PGM2L1: variants seen among roughly 807,000 people sequenced by gnomAD.
PGM2L1 encodes the protein glucose 1,6-bisphosphate synthase.
In PGM2L1, 35 loss-of-function variants were observed where a neutral mutation model predicts 73.4. That is an observed-to-expected ratio of 0.48 (90% confidence interval 0.36 to 0.63). PGM2L1 has a LOEUF of 0.63. Among genes scored for constraint, PGM2L1 ranks in the 30% least tolerant of loss-of-function variants. The probability of loss-of-function intolerance (pLI) is 0.00; values close to 1 mark genes in which losing one functional copy is unlikely to be tolerated. For synonymous variants in PGM2L1, 225 were observed against 253.8 expected (o/e 0.89, Z 1.08); for missense variants, 570 against 742.0 (o/e 0.77, Z 2.69).
chr11:74,371,165 G>GT (rs1215242428), intron 3 of PGM2L1, among the ~76,000 whole-genome samples, 179 bp from the exon 4 acceptor site: 2 of 151,964 alleles, frequency 1.3e-5, no homozygotes, highest in East Asian at 3.9e-4. Flanking sequence ...AAATAAATAA[G>GT]TTTTTTTAAA....
At chr11:74,356,029 C>T (rs1862448791) in intron 5 of PGM2L1, among the ~76,000 whole-genome samples, 1 of 150,936 alleles carries the variant, frequency 6.6e-6, no homozygotes. Flanking sequence ...ATGTAATAGT[C>T]TGATCATGAT....
chr11:74,354,563 C>A, intron 5 of PGM2L1: 3 of 1,145,104 alleles, frequency 2.6e-6, no homozygotes, highest in South Asian at 1.2e-5. Context: ...GGAATGCTCA[C>A]GAACTGTGTG....
chr11:74,380,633 T>C (rs1862928603), intron 1 of PGM2L1, among the ~76,000 whole-genome samples: 1 of 152,040 alleles, frequency 6.6e-6, no homozygotes, highest in Non-Finnish European at 1.5e-5. Flanking sequence ...GTGTGAAAAA[T>C]TTAAAAAAGT....
At chr11:74,381,549 TTTTG>T (rs556532205) in intron 1 of PGM2L1, among the ~76,000 whole-genome samples, 50 of 151,186 alleles carry the variant, frequency 3.3e-4, no homozygotes, top group African/African-American at 1.2e-3. Context: ...TTGTAGGGTT[TTTTG>T]TTTGTTTGTG....
intron 5 of PGM2L1, among the ~76,000 whole-genome samples, chr11:74,351,855 G>A (rs993061883): frequency 1.3e-5 from 2 of 151,736 alleles, no homozygotes; most frequent in Admixed American, 1.3e-4. Flanking sequence ...CCAGCTACTC[G>A]GGAGGCTGAG....
At chr11:74,345,968 C>T (rs182285477) in intron 8 of PGM2L1, among the ~76,000 whole-genome samples, 213 of 151,822 alleles carry the variant, frequency 1.4e-3, no homozygotes, top group Non-Finnish European at 2.7e-3. Context: ...TACATAGCAG[C>T]CCAGAGGACT....
intron 5 of PGM2L1, 101 bp from the exon 6 acceptor site, chr11:74,351,677 T>C (rs1862356035): frequency 1.8e-6 from 2 of 1,118,512 alleles, no homozygotes; most frequent in African/African-American, 1.6e-5. Context: ...GCATATCAAA[T>C]TGAGGCCAGG....
chr11:74,396,184 A>G (rs995862769), intron 1 of PGM2L1, among the ~76,000 whole-genome samples: 15 of 151,652 alleles, frequency 9.9e-5, no homozygotes, highest in African/African-American at 3.4e-4. Flanking sequence ...ACTTGAGCCC[A>G]GGAGTTCAAG....
rs780130449 is a variant in PGM2L1, at chr11:74,374,568, T to G, written c.126A>C (p.Lys42Asn). The change falls in exon 2 of 14, where the codon AAA (lysine) becomes AAC (asparagine). Residue 42 changes from lysine to asparagine, a missense_variant. Transcript: ENST00000298198. Reference sequence around the variant, plus strand: ...TCCGTAACAGGTTTTCAATCTGCTCTTTTGTTTTGGGATTCTATAAAAAAG... The same window carrying G: ...TCCGTAACAGGTTTTCAATCTGCTCGTTTGTTTTGGGATTCTATAAAAAAG... ...WLRWDKNPKT[K>N]EQIENLLRNG... 2 of 1,613,628 alleles carry G rather than the reference T, an allele frequency of 1.2e-6. No homozygotes were observed. The highest frequency in any genetic ancestry group is 2.2e-5 in the South Asian group (2 of 91,058).
At chr11:74,371,861 C>T (rs746487554) in intron 2 of PGM2L1, 44 bp from the exon 3 acceptor site, 1 of 1,430,668 alleles carries the variant, frequency 7.0e-7, no homozygotes, top group African/African-American at 1.4e-5. Context: ...TGGATGCTTG[C>T]ATTTCATATG....
At chr11:74,393,695 C>T (rs921954954) in intron 1 of PGM2L1, among the ~76,000 whole-genome samples, 19 of 152,118 alleles carry the variant, frequency 1.2e-4, no homozygotes, top group Non-Finnish European at 2.9e-5. Flanking sequence ...CTTAAAATGC[C>T]GTGGCCAATT....
At chr11:74,355,226 C>T in intron 5 of PGM2L1, 3 of 1,400,204 alleles carry the variant, frequency 2.1e-6, no homozygotes, top group Non-Finnish European at 3.0e-6. Flanking sequence ...GTGGAAGCTA[C>T]AATGATTTTG....
chr11:74,342,463 A>C lies in PGM2L1; in HGVS notation c.1630T>G (p.Ser544Ala). The C allele has an allele frequency of 6.9e-7, 1 of 1,451,134 alleles. No individual in the cohort carries two copies. The highest frequency in any genetic ancestry group is 1.6e-5 in the South Asian group (1 of 63,276). The allele number at this position is 1,451,134 out of a possible 1,614,324, so 89.9% of individuals were successfully genotyped here. A position where few individuals can be genotyped will look rare whatever the true frequency, so the allele number is the denominator to read the frequency against. ...TGGAAAAAAAAAAAGGTACTTACTG[A>C]TTTCTTATTAGGCTGGCTACTGTCA... ...GYDSSQPNKKSVLPVSKNSQM... is the reference protein window; with the variant it reads ...GYDSSQPNKKAVLPVSKNSQM... The change falls in exon 12 of 14, where the codon TCA becomes GCA. Residue 544 changes from serine (S) to alanine (A), a missense_variant and splice_region_variant. By Grantham distance (99) the Ser-to-Ala change is moderately conservative. Transcript: ENST00000298198.
At position 74,333,137 on chromosome 11, in the gene PGM2L1, C is replaced by T. The variant is rs1400809105; in HGVS notation, c.*3515G>A. 6.6e-6 allele frequency: 1 copy of T among 151,842 alleles called. No homozygotes were observed. Among genetic ancestry groups the T allele is most frequent in the Non-Finnish European group, 1.5e-5 (1 of 67,974 alleles). The allele number at this position is 151,842 out of a possible 1,614,324, so 9.4% of individuals were successfully genotyped here. On this transcript the variant is annotated 3_prime_UTR_variant, in exon 14 of 14. Coordinates refer to ENST00000298198, the MANE Select transcript of PGM2L1 (RefSeq NM_173582.6). Reference sequence around the variant, plus strand: ...AAAAAAAATGTGCTGGAAAGAAGGACCCTTAAAAAGTCATCTGTATATCTC... The same window carrying T: ...AAAAAAAATGTGCTGGAAAGAAGGATCCTTAAAAAGTCATCTGTATATCTC...
intron 5 of PGM2L1, chr11:74,355,559 A>AAAAAAAAAAAAG: frequency 3.4e-6 from 1 of 295,710 alleles, no homozygotes. Flanking sequence ...GTCTCAAAAA[A>AAAAAAAAAAAAG]AAAAAAAAAA....
At position 74,351,454 on chromosome 11, in the gene PGM2L1, C is replaced by G. The variant is rs540322850; in HGVS notation, c.678G>C (p.Pro226=). 7.4e-5 allele frequency: 120 copies of G among 1,613,948 alleles called. No individual in the cohort carries two copies. The highest frequency in any genetic ancestry group is 1.7e-4 in the Middle Eastern group (1 of 6,048). The change falls in exon 6 of 14, where the codon CCG becomes CCC. Residue 226 remains proline (P), a synonymous_variant. Coordinates refer to ENST00000298198, the MANE Select transcript of PGM2L1 (RefSeq NM_173582.6). ...SWNDNLVDTS[P]LKRDPLQDIC... ...TGTCCTGCAGAGGGTCTCTCTTCAG[C>G]GGGCTGGTATCCACTAAATTATCAT...
intron 2 of PGM2L1, 144 bp from the exon 3 acceptor site, chr11:74,371,961 G>T: frequency 1.5e-6 from 1 of 659,640 alleles, no homozygotes; most frequent in East Asian, 2.7e-5. Flanking sequence ...TTACCAGTGT[G>T]GGAGCAATAC....
At chr11:74,385,353 C>T (rs1375583435) in intron 1 of PGM2L1, among the ~76,000 whole-genome samples, 1 of 152,226 alleles carries the variant, frequency 6.6e-6, no homozygotes, top group Non-Finnish European at 1.5e-5. Flanking sequence ...CACATTACTA[C>T]ATATGTTACA....
chr11:74,368,632 A>G, intron 4 of PGM2L1, 57 bp from the exon 5 acceptor site: 1 of 1,364,646 alleles, frequency 7.3e-7, no homozygotes, highest in South Asian at 1.2e-5. Flanking sequence ...TACACATTTG[A>G]CATGAGAATA....
Sources: gnomAD v4.1 joint callset for allele counts (sites outside exome capture counted in the v4.1 genomes callset) on GRCh38, gnomAD v4.1.1 for gene constraint, MANE v1.5 for transcripts, NCBI Gene and HGNC (gene_info 2026-07-23, HGNC 2026-07-21) for gene names.